Variants in TBC1D16 observed in about 807,000 individuals in gnomAD.
TBC1D16 encodes TBC1 domain family member 16.
TBC1D16 carries 58 observed loss-of-function variants against 74.7 expected under a neutral mutation model. That is an observed-to-expected ratio of 0.78 (90% CI 0.63 to 0.97). The LOEUF (loss-of-function observed/expected upper bound fraction) is 0.97, where lower values mean the gene tolerates loss of function less well. Ranked by LOEUF, TBC1D16 falls within the 50% of genes least tolerant of loss-of-function variation. TBC1D16 has a pLI of 0.00. For missense variants in TBC1D16, 1,014 were observed against 1,079.5 expected (o/e 0.94, Z 0.85); for synonymous variants, 493 against 474.7 (o/e 1.04, Z -0.50).
rs751148534 is a variant in TBC1D16, at chr17:79,952,773, G to C, written c.825C>G (p.Asn275Lys). 1.2e-6 allele frequency: 2 copies of C among 1,611,756 alleles called. No individual in the cohort carries two copies. The highest frequency in any genetic ancestry group is 1.3e-5 in the African/African-American group (1 of 74,914). ...CCCAGCGTGGGGTCTGCAGGAGGCCGTTGCTGTCCGGGAACCGCAGGCCGG... is the reference window on the plus strand; with the variant it reads ...CCCAGCGTGGGGTCTGCAGGAGGCCCTTGCTGTCCGGGAACCGCAGGCCGG... The part of the protein sequence containing the change: ...SDAGLRFPDS[N>K]GLLQTPRWDE... The change falls in exon 4 of 12, where the codon AAC (asparagine) becomes AAG (lysine). Residue 275 changes from asparagine (N) to lysine (K), a missense_variant. Physicochemically the swap from Asn to Lys is moderately conservative, Grantham distance 94. Coordinates refer to ENST00000310924, the MANE Select transcript of TBC1D16 (RefSeq NM_019020.4).
At chr17:79,958,735 G>C (rs2033459531) in intron 3 of TBC1D16, among the ~76,000 whole-genome samples, 1 of 152,174 alleles carries the variant, frequency 6.6e-6, no homozygotes, top group Non-Finnish European at 1.5e-5. Context: ...AGGAATGGAA[G>C]AGAAGCTCCT....
chr17:80,022,994 C>T (rs2036337562), intron 1 of TBC1D16, among the ~76,000 whole-genome samples: 3 of 149,844 alleles, frequency 2.0e-5, no homozygotes, highest in Admixed American at 1.3e-4. Context: ...GGCCGTGACC[C>T]GGAGGCCTAT....
rs1350161794 is a variant in TBC1D16 at position 79,934,021 on chromosome 17, G to A, written c.*6838C>T. ...AGTCATGCTCGCTGCCCAGCTGTGT[G>A]GCAAGGGCACTCCCTAGGCACTGAG... On this transcript the variant is annotated 3_prime_UTR_variant, in exon 12 of 12. Coordinates refer to ENST00000310924, the MANE Select transcript of TBC1D16 (RefSeq NM_019020.4). 1 of 152,232 alleles carries A rather than the reference G, an allele frequency of 6.6e-6. No individual in the cohort carries two copies. The highest frequency in any genetic ancestry group is 1.5e-5 in the Non-Finnish European group (1 of 68,054). The allele number at this position is 152,232 out of a possible 1,614,324, so 9.4% of individuals were successfully genotyped here.
Position 79,993,967 on chromosome 17 carries a change from A to G in TBC1D16, c.779+16193T>C, listed in dbSNP as rs2035172341. ...TTCTGAGCTGCGGTGGAAAAGGCTGACAAGTTTCATTTCCCTGACCTTGGA... is the reference window on the plus strand; with the variant it reads ...TTCTGAGCTGCGGTGGAAAAGGCTGGCAAGTTTCATTTCCCTGACCTTGGA... On this transcript the variant is annotated intron_variant, in intron 3 of 11. Transcript: ENST00000310924. This position sits in a 1 kb window ranked among gnomAD's most constrained non-coding sequence, Gnocchi z 5.1. Among the ~76,000 whole-genome samples the G allele has an allele frequency of 6.6e-6, 1 of 152,098 alleles. No individual in the cohort carries two copies. The highest frequency in any genetic ancestry group is 1.5e-5 in the Non-Finnish European group (1 of 68,008).
chr17:79,935,226 G>C lies in TBC1D16; in HGVS notation c.*5633C>G, dbSNP rs1024619388. On this transcript the variant is annotated 3_prime_UTR_variant, in exon 12 of 12. Coordinates refer to ENST00000310924, the MANE Select transcript of TBC1D16 (RefSeq NM_019020.4). ...GGCTCCCAGTTGCTCAGAGTTAACCGGCCCTTTCCCGAGTGAGACCCCGCG... is the reference window on the plus strand; with the variant it reads ...GGCTCCCAGTTGCTCAGAGTTAACCCGCCCTTTCCCGAGTGAGACCCCGCG... The C allele has an allele frequency of 2.0e-5, 3 of 152,224 alleles. No homozygotes were observed. The highest frequency in any genetic ancestry group is 4.4e-5 in the Non-Finnish European group (3 of 68,052). The allele number at this position is 152,224 out of a possible 1,614,324, so 9.4% of individuals were successfully genotyped here.
rs1047478496 is a variant in TBC1D16, at chr17:80,019,852, A to G, written c.-62-6243T>C. Among the ~76,000 whole-genome samples the G allele has an allele frequency of 2.0e-5, 3 of 149,844 alleles. 1 individual carries two copies. Among genetic ancestry groups the G allele is most frequent in the African/African-American group, 7.6e-5 (3 of 39,264 alleles). ...TCTTGCTTTCAGTTGGATCATAAAT[A>G]TATTTTCCCAGGTGAAGTATACTTA... On this transcript the variant is annotated intron_variant, in intron 1 of 11. Coordinates refer to ENST00000310924, the MANE Select transcript of TBC1D16 (RefSeq NM_019020.4).
At chr17:79,945,437 ACTC>A (rs1419584065) in intron 9 of TBC1D16, among the ~76,000 whole-genome samples, 1 of 150,978 alleles carries the variant, frequency 6.6e-6, no homozygotes, top group African/African-American at 2.4e-5. Flanking sequence ...TCCCACGTCC[ACTC>A]CTCCTGGTGA....
chr17:79,982,999 C>A (rs1054844871), intron 3 of TBC1D16, among the ~76,000 whole-genome samples: 1 of 152,240 alleles, frequency 6.6e-6, no homozygotes, highest in Non-Finnish European at 1.5e-5. Flanking sequence ...GCGTCATCCA[C>A]GTTTGTGCGG....
intron 1 of TBC1D16, among the ~76,000 whole-genome samples, chr17:80,025,098 CCATATACACACAA>C (rs1568649879): frequency 3.9e-5 from 3 of 77,088 alleles, no homozygotes; most frequent in African/African-American, 6.4e-5. Flanking sequence ...CACACACACA[CCATATACACACAA>C]ACACCACAGA....
intron 3 of TBC1D16, among the ~76,000 whole-genome samples, chr17:80,004,124 A>C (rs1388868902): frequency 6.6e-6 from 1 of 152,258 alleles, no homozygotes; most frequent in Admixed American, 6.5e-5. Flanking sequence ...TAAAATTAAA[A>C]ATTCAGTTGC....
chr17:80,011,980 G>GT (rs2035913046), intron 2 of TBC1D16, among the ~76,000 whole-genome samples: 1 of 152,144 alleles, frequency 6.6e-6, no homozygotes, highest in East Asian at 1.9e-4. Context: ...CTGGTGACAT[G>GT]GGAGGAGGGA....
chr17:79,959,970 T>C (rs1483380130), intron 3 of TBC1D16, among the ~76,000 whole-genome samples: 6 of 151,904 alleles, frequency 3.9e-5, no homozygotes, highest in Non-Finnish European at 7.4e-5. Flanking sequence ...AACAAAAAAC[T>C]TGTATCCAGA....
At chr17:79,951,192 C>T (rs1325587993) in intron 5 of TBC1D16, among the ~76,000 whole-genome samples, 2 of 152,188 alleles carry the variant, frequency 1.3e-5, no homozygotes, top group African/African-American at 2.4e-5. Context: ...TACATTTGTA[C>T]GTAGATTGAG....
At position 79,941,239 on chromosome 17, in the gene TBC1D16, C is replaced by A. The variant is rs2031951482; in HGVS notation, c.2056-132G>T. On this transcript the variant is annotated intron_variant, in intron 11 of 11. Transcript: ENST00000310924. This position sits in a 1 kb window ranked among gnomAD's most constrained non-coding sequence, Gnocchi z 4.3. ...CCTCGGGGGCTCACCGAGTCCTGGACTGAGGGCTCTGCCTGCATCTCCCAC... is the reference window on the plus strand; with the variant it reads ...CCTCGGGGGCTCACCGAGTCCTGGAATGAGGGCTCTGCCTGCATCTCCCAC... The A allele has an allele frequency of 1.2e-6, 1 of 860,720 alleles. No homozygotes were observed. 53.3% of individuals were successfully genotyped at this position (860,720 alleles called of 1,614,324 possible). A position where few individuals can be genotyped will look rare whatever the true frequency, so the allele number is the denominator to read the frequency against.
At position 79,994,328 on chromosome 17, in the gene TBC1D16, AC is replaced by A. The variant is rs1164556622; in HGVS notation, c.779+15831del. On this transcript the variant is annotated intron_variant, in intron 3 of 11. Transcript: ENST00000310924. The surrounding 1 kb of genome is among the most constrained non-coding windows in gnomAD (Gnocchi z 4.6). ...TGAACCCCCGACAAGAGGCAATGAA[AC>A]CCCCTCCTCCTAGAGGCTGCCCAAC... is the stretch of plus-strand genomic sequence containing the variant. Among the ~76,000 whole-genome samples, 2 of 151,674 alleles carry A rather than the reference AC, an allele frequency of 1.3e-5. No individual in the cohort carries two copies. Among genetic ancestry groups the A allele is most frequent in the Non-Finnish European group, 2.9e-5 (2 of 67,938 alleles).
At position 79,936,315 on chromosome 17, in the gene TBC1D16, G is replaced by C. The variant is rs1598298429; in HGVS notation, c.*4544C>G. The C allele has an allele frequency of 6.6e-6, 1 of 152,236 alleles. No homozygotes were observed. Among genetic ancestry groups the C allele is most frequent in the East Asian group, 1.9e-4 (1 of 5,194 alleles). 9.4% of individuals were successfully genotyped at this position (152,236 alleles called of 1,614,324 possible). A position where few individuals can be genotyped will look rare whatever the true frequency, so the allele number is the denominator to read the frequency against. ...CAGGTGTGCTGACTCCGAACCAAGG[G>C]AGAGCTCTCCGTCCTGAGCTCGCTG... is the stretch of plus-strand genomic sequence containing the variant. On this transcript the variant is annotated 3_prime_UTR_variant, in exon 12 of 12. Coordinates refer to ENST00000310924, the MANE Select transcript of TBC1D16 (RefSeq NM_019020.4).
chr17:79,978,921 T>C (rs2034453550), intron 3 of TBC1D16, among the ~76,000 whole-genome samples: 1 of 152,248 alleles, frequency 6.6e-6, no homozygotes, highest in African/African-American at 2.4e-5. Context: ...ACCAGGCTTT[T>C]GAGAGCCAAT....
At chr17:80,020,980 C>T (rs138842550) in intron 1 of TBC1D16, among the ~76,000 whole-genome samples, 3,086 of 149,514 alleles carry the variant, frequency 0.021, 80 homozygotes, top group Non-Finnish European at 0.033. Context: ...GGGCCGGGCA[C>T]GGTGGCTCAC....
intron 3 of TBC1D16, among the ~76,000 whole-genome samples, chr17:79,955,814 C>T (rs1044716042): frequency 6.6e-6 from 1 of 152,218 alleles, no homozygotes; most frequent in Non-Finnish European, 1.5e-5. Flanking sequence ...AACACAAACA[C>T]TGGGTTCTCC....
Sources: allele counts gnomAD v4.1 joint callset (sites outside exome capture counted in the v4.1 genomes callset), GRCh38; gene constraint gnomAD v4.1.1; non-coding constraint Gnocchi (gnomAD v3.1); transcripts MANE v1.5; gene names NCBI Gene and HGNC (gene_info 2026-07-23, HGNC 2026-07-21).